The following CASP8 variants were observed in gnomAD, a reference collection of about 807,000 sequenced individuals.
The protein encoded by CASP8 is caspase-8.
CASP8 carries 24 observed loss-of-function variants against 46.3 expected under a neutral mutation model. That is an observed-to-expected ratio of 0.52 (90% CI 0.38 to 0.73). The LOEUF is 0.73. Among genes scored for constraint, CASP8 ranks in the 30% least tolerant of loss-of-function variants. The pLI is 0.00. For synonymous variants in CASP8, 188 were observed against 200.4 expected, an observed-to-expected ratio of 0.94 and a Z score of 0.52; for missense variants, 460 against 559.0, an observed-to-expected ratio of 0.82 and a Z score of 1.79.
intron 2 of CASP8, among the ~76,000 whole-genome samples, chr2:201,254,148 A>C (rs1946913785): frequency 6.6e-6 from 1 of 152,164 alleles, no homozygotes; most frequent in South Asian, 2.1e-4. Flanking sequence ...GAGTCTAACA[A>C]ACTCAATTTC....
At position 201,286,606 on chromosome 2, in the gene CASP8, T is replaced by A. The variant is rs1183675593; in HGVS notation, c.*12T>A. 1.3e-5 allele frequency: 21 copies of A among 1,611,344 alleles called. No homozygotes were observed. Among genetic ancestry groups the A allele is most frequent in the Middle Eastern group, 1.6e-4 (1 of 6,076 alleles). On this transcript the variant is annotated 3_prime_UTR_variant, in exon 9 of 9. Transcript: ENST00000673742. Reference sequence around the variant, plus strand: ...TCCCTTCTGATTGATGGTGCTATTTTGTTTGTTTTGTTTTGTTTTGTTTTT... The same window carrying A: ...TCCCTTCTGATTGATGGTGCTATTTAGTTTGTTTTGTTTTGTTTTGTTTTT...
rs1045485 is a variant in CASP8, at chr2:201,284,866, G to A, written c.853G>A (p.Asp285Asn). ...GCTTCATTTTGAGATCAAGCCCCAC[G>A]ATGACTGCACAGTAGAGCAAATCTA... ...EELHFEIKPH[D>N]DCTVEQIYEI... The change falls in exon 8 of 9, where the codon GAT becomes AAT. Residue 285 changes from aspartate to asparagine, a missense_variant. Transcript: ENST00000673742. 7 of 1,613,934 alleles carry A rather than the reference G, an allele frequency of 4.3e-6. No homozygotes were observed. In the East Asian group the frequency reaches 6.7e-5, roughly 15 times the overall value.
At chr2:201,245,864 C>CT (rs60096366) in intron 2 of CASP8, among the ~76,000 whole-genome samples, 2,155 of 124,346 alleles carry the variant, frequency 0.017, 81 homozygotes, top group African/African-American at 0.043. Flanking sequence ...CTTGTTTGTT[C>CT]TTTTTTTTTT....
rs1343506814 is a variant in CASP8 at position 201,266,938 on chromosome 2, G to C, written c.305+147G>C. ...TCTAAGCTTCTACAGAAAGACAGTA[G>C]TGCCTTGGGTGGTCCTGCTAAAGGC... is the stretch of plus-strand genomic sequence containing the variant. On this transcript the variant is annotated intron_variant, in intron 2 of 8. Coordinates refer to ENST00000673742, the MANE Select transcript of CASP8 (RefSeq NM_001372051.1). The surrounding 1 kb of genome is among the most constrained non-coding windows in gnomAD (Gnocchi z 5.7). 1.6e-6 allele frequency: 1 copy of C among 613,576 alleles called. No homozygotes were observed. The highest frequency in any genetic ancestry group is 1.9e-5 in the African/African-American group (1 of 54,004). 38.0% of individuals were successfully genotyped at this position (613,576 alleles called of 1,614,324 possible). A position where few individuals can be genotyped will look rare whatever the true frequency, so the allele number is the denominator to read the frequency against.
chr2:201,285,116 G>T lies in CASP8; in HGVS notation c.1103G>T (p.Gly368Val), dbSNP rs758525204. 1 of 1,614,152 alleles carries T rather than the reference G, an allele frequency of 6.2e-7. No individual in the cohort carries two copies. The highest frequency in any genetic ancestry group is 8.5e-7 in the Non-Finnish European group (1 of 1,180,016). The part of the protein sequence containing the change: ...QACQGDNYQK[G>V]IPVETDSEEQ... ...TGTCAGGGGGATAACTACCAGAAAGGTATACCTGTTGAGACTGATTCAGAG... is the reference window on the plus strand; with the variant it reads ...TGTCAGGGGGATAACTACCAGAAAGTTATACCTGTTGAGACTGATTCAGAG... The change falls in exon 8 of 9, where the codon GGT becomes GTT. Residue 368 changes from glycine to valine, a missense_variant. Gly to Val is a moderately radical substitution (Grantham distance 109). Coordinates refer to ENST00000673742, the MANE Select transcript of CASP8 (RefSeq NM_001372051.1).
Position 201,272,789 on chromosome 2 carries a change from T to G in CASP8, c.550+13T>G. 1 of 1,614,156 alleles carries G rather than the reference T, an allele frequency of 6.2e-7. No individual in the cohort carries two copies. The highest frequency in any genetic ancestry group is 1.1e-5 in the South Asian group (1 of 91,088). ...GAATTCAGCAAAGGTAGAAACAACC[T>G]GACAGCCGGGAATCGGCAAAACCTA... On this transcript the variant is annotated intron_variant, in intron 4 of 8. Transcript: ENST00000673742. The surrounding 1 kb of genome is among the most constrained non-coding windows in gnomAD (Gnocchi z 4.4).
chr2:201,258,040 A>G (rs1020617436), upstream of CASP8: 3 of 635,524 alleles, frequency 4.7e-6, no homozygotes, highest in South Asian at 3.6e-5. Context: ...CGAGTGAGTC[A>G]TCTCTGTTCT....
chr2:201,274,364 C>T (rs1948487592), intron 5 of CASP8, among the ~76,000 whole-genome samples: 3 of 152,116 alleles, frequency 2.0e-5, no homozygotes, highest in Admixed American at 2.0e-4. Flanking sequence ...TTCTCTTTGG[C>T]GAGGAGACAA....
chr2:201,263,987 C>T (rs1268291054), intron 1 of CASP8, among the ~76,000 whole-genome samples: 2 of 152,246 alleles, frequency 1.3e-5, no homozygotes, highest in African/African-American at 4.8e-5. Flanking sequence ...ACGCCCACAT[C>T]TGTGTGTAAT....
At chr2:201,255,320 C>T (rs1454960139) in intron 2 of CASP8, among the ~76,000 whole-genome samples, 18 of 152,146 alleles carry the variant, frequency 1.2e-4, no homozygotes, top group Non-Finnish European at 2.5e-4. Context: ...TCAAGTGATC[C>T]GCCTACCTCA....
chr2:201,271,564 G>A lies in CASP8; in HGVS notation c.354G>A (p.Arg118=), dbSNP rs759849787. 6.2e-7 allele frequency: 1 copy of A among 1,611,962 alleles called. No individual in the cohort carries two copies. The highest frequency in any genetic ancestry group is 1.7e-5 in the Admixed American group (1 of 60,030). Residue 118 remains arginine (R), a synonymous_variant, in exon 3 of 9, where the codon AGG becomes AGA. Transcript: ENST00000673742. ...ISEEVSRSEL[R]SFKFLLQEEI... Reference sequence around the variant, plus strand: ...AAGAAGTGAGCAGATCAGAATTGAGGTCTTTTAAGTTTCTTTTGCAAGAGG... The same window carrying A: ...AAGAAGTGAGCAGATCAGAATTGAGATCTTTTAAGTTTCTTTTGCAAGAGG...
chr2:201,276,510 G>A (rs1948641466), intron 6 of CASP8, among the ~76,000 whole-genome samples: 1 of 152,196 alleles, frequency 6.6e-6, no homozygotes, highest in Non-Finnish European at 1.5e-5. Context: ...CAGATGTTAT[G>A]AACCTCAAGG....
rs1166684067 is a variant in CASP8 at position 201,286,503 on chromosome 2, T to C, written c.1349T>C (p.Val450Ala). The C allele has an allele frequency of 1.9e-6, 3 of 1,613,146 alleles. No homozygotes were observed. Among genetic ancestry groups the C allele is most frequent in the Non-Finnish European group, 2.5e-6 (3 of 1,179,086 alleles). ...ATCCTGACTGAAGTGAACTATGAAG[T>C]AAGCAACAAGGATGACAAGAAAAAC... ...LTILTEVNYE[V>A]SNKDDKKNMG... The change falls in exon 9 of 9, where the codon GTA (valine) becomes GCA (alanine). Residue 450 changes from valine to alanine, a missense_variant. By Grantham distance (64) the Val-to-Ala change is moderately conservative. Coordinates refer to ENST00000673742, the MANE Select transcript of CASP8 (RefSeq NM_001372051.1).
chr2:201,271,703 T>C (rs995894382), intron 3 of CASP8, 82 bp downstream of exon 3: 12 of 882,650 alleles, frequency 1.4e-5, no homozygotes, highest in Non-Finnish European at 2.1e-5. Context: ...AGAGGGGTAT[T>C]TTGGTAAAAG....
chr2:201,258,791 G>T (rs550367068), upstream of CASP8, among the ~76,000 whole-genome samples: 1 of 151,992 alleles, frequency 6.6e-6, no homozygotes, highest in Non-Finnish European at 1.5e-5. Context: ...ATGCCCTGAG[G>T]TGCACAGCCC....
chr2:201,284,623 A>C (rs1949431546), intron 7 of CASP8, among the ~76,000 whole-genome samples, 193 bp from the exon 8 acceptor site: 1 of 56,532 alleles, frequency 1.8e-5, no homozygotes, highest in Admixed American at 2.4e-4. Context: ...CCGAGATGGC[A>C]GCAGTACCGT....
rs757506437 is a variant in CASP8, at chr2:201,272,583, C to T, written c.412-55C>T. 6.3e-6 allele frequency: 10 copies of T among 1,599,482 alleles called. No individual in the cohort carries two copies. Among genetic ancestry groups the T allele is most frequent in the Non-Finnish European group, 8.6e-6 (10 of 1,169,334 alleles). ...TGGAAATTAAAAAAAAAAATCTAAT[C>T]TAAAAACCAGTAGGGCTCAATCCAG... On this transcript the variant is annotated intron_variant, in intron 3 of 8. Coordinates refer to ENST00000673742, the MANE Select transcript of CASP8 (RefSeq NM_001372051.1). This position sits in a 1 kb window ranked among gnomAD's most constrained non-coding sequence, Gnocchi z 4.4.
At chr2:201,247,714 G>C (rs974098001) in intron 2 of CASP8, among the ~76,000 whole-genome samples, 5 of 151,698 alleles carry the variant, frequency 3.3e-5, no homozygotes, top group African/African-American at 1.2e-4. Context: ...GTGCGATCTC[G>C]GCTCACTGCA....
At chr2:201,280,380 T>A (rs1203277736) in intron 7 of CASP8, among the ~76,000 whole-genome samples, 1 of 152,138 alleles carries the variant, frequency 6.6e-6, no homozygotes, top group Non-Finnish European at 1.5e-5. Context: ...TGACGCAATC[T>A]CCAGATTGAA....
Sources: allele counts gnomAD v4.1 joint callset (sites outside exome capture counted in the v4.1 genomes callset), GRCh38; gene constraint gnomAD v4.1.1; non-coding constraint Gnocchi (gnomAD v3.1); transcripts MANE v1.5; gene names NCBI Gene and HGNC (gene_info 2026-07-23, HGNC 2026-07-21).